The following TNNI3K variants were observed in gnomAD, a reference collection of about 807,000 sequenced individuals.
The protein encoded by TNNI3K is serine/threonine-protein kinase TNNI3K.
In TNNI3K, 140 loss-of-function variants were observed where a neutral mutation model predicts 114.5. The observed-to-expected ratio is 1.22, with a 90% CI of 1.07 to 1.41. TNNI3K has a LOEUF of 1.41. TNNI3K is among the 40% of genes most tolerant of loss of function. The probability of loss-of-function intolerance (pLI) is 0.00; values close to 1 mark genes in which losing one functional copy is unlikely to be tolerated. For synonymous variants in TNNI3K, 347 were observed against 347.5 expected (o/e 1.00, Z 0.02); for missense variants, 1,125 against 1,007.6 (o/e 1.12, Z -1.58).
chr1:74,454,699 G>A (rs1270354139), intron 20 of TNNI3K, among the ~76,000 whole-genome samples: 1 of 152,110 alleles, frequency 6.6e-6, no homozygotes, highest in African/African-American at 2.4e-5. Flanking sequence ...CTATCTCTTA[G>A]ATATACTGAT....
chr1:74,431,069 A>G (rs1441498092), intron 17 of TNNI3K, among the ~76,000 whole-genome samples: 1 of 152,184 alleles, frequency 6.6e-6, no homozygotes, highest in Non-Finnish European at 1.5e-5. Flanking sequence ...GCTAGGTATT[A>G]TGTGTATTAA....
At chr1:74,522,357 T>C (rs184552118) in intron 23 of TNNI3K, among the ~76,000 whole-genome samples, 178 of 152,258 alleles carry the variant, frequency 1.2e-3, no homozygotes, top group African/African-American at 4.0e-3. Flanking sequence ...CTAGCATTCC[T>C]ATGGGAACCT....
chr1:74,248,856 TG>T (rs1213397241), intron 2 of TNNI3K, among the ~76,000 whole-genome samples: 1 of 152,174 alleles, frequency 6.6e-6, no homozygotes, highest in African/African-American at 2.4e-5. Context: ...TCTTATGTCT[TG>T]TATCTCTTGT....
intron 11 of TNNI3K, among the ~76,000 whole-genome samples, chr1:74,361,106 A>G (rs1327067308): frequency 6.6e-6 from 1 of 152,116 alleles, no homozygotes; most frequent in African/African-American, 2.4e-5. Flanking sequence ...TATTTCTGTA[A>G]ATATCATAGG....
intron 6 of TNNI3K, 107 bp from the exon 7 acceptor site, chr1:74,335,903 TA>T: frequency 1.6e-6 from 2 of 1,245,588 alleles, no homozygotes; most frequent in Non-Finnish European, 2.1e-6. Flanking sequence ...CTAGGTGATA[TA>T]ACAATAAATT....
intron 24 of TNNI3K, 57 bp from the exon 25 acceptor site, chr1:74,543,849 A>T: frequency 6.2e-7 from 1 of 1,606,070 alleles, no homozygotes; most frequent in Non-Finnish European, 8.5e-7. Context: ...GTTATAAAAA[A>T]TTGGGGGATG....
intron 23 of TNNI3K, among the ~76,000 whole-genome samples, chr1:74,499,173 CT>C (rs1366202034): frequency 6.6e-6 from 1 of 152,144 alleles, no homozygotes; most frequent in East Asian, 1.9e-4. Context: ...TTTACTTTTC[CT>C]GCAAATGGGA....
At chr1:74,254,732 C>T (rs536939350) in intron 4 of TNNI3K, among the ~76,000 whole-genome samples, 26 of 152,090 alleles carry the variant, frequency 1.7e-4, no homozygotes, top group East Asian at 1.4e-3. Flanking sequence ...TTGGATCTCG[C>T]GCAAGAAAGA....
chr1:74,529,141 T>C (rs1305401688), intron 23 of TNNI3K, among the ~76,000 whole-genome samples: 1 of 152,214 alleles, frequency 6.6e-6, no homozygotes, highest in East Asian at 1.9e-4. Context: ...ATTTATATAG[T>C]CTCAAAATAC....
At chr1:74,343,020 GGTATACTGCATGTACT>G in intron 8 of TNNI3K, 34 bp downstream of exon 8, 1 of 1,613,516 alleles carries the variant, frequency 6.2e-7, no homozygotes, top group Non-Finnish European at 8.5e-7. Flanking sequence ...AGGTTCTCCA[GGTATACTGCATGTACT>G]TGCTTACAAT....
intron 23 of TNNI3K, among the ~76,000 whole-genome samples, chr1:74,532,002 T>G (rs529008270): frequency 6.6e-6 from 1 of 152,298 alleles, no homozygotes; most frequent in South Asian, 2.1e-4. Context: ...AAAAACTAAT[T>G]GGACCAATTT....
chr1:74,439,743 G>GCA, intron 20 of TNNI3K, 121 bp downstream of exon 20: 1 of 1,445,664 alleles, frequency 6.9e-7, no homozygotes, highest in South Asian at 1.4e-5. Context: ...GAGGAGGTAA[G>GCA]CAAACAATCT....
At chr1:74,484,317 C>T (rs1319057129) in intron 21 of TNNI3K, among the ~76,000 whole-genome samples, 1 of 151,772 alleles carries the variant, frequency 6.6e-6, no homozygotes, top group Non-Finnish European at 1.5e-5. Context: ...ATGATTAATT[C>T]TATCATTTGT....
At position 74,437,369 on chromosome 1, in the gene TNNI3K, C is replaced by A. The variant is rs189604082; in HGVS notation, c.1878+843C>A. Among the ~76,000 whole-genome samples the A allele has an allele frequency of 1.4e-4, 21 of 152,098 alleles. No homozygotes were observed. In the East Asian group the frequency reaches 4.1e-3, roughly 29 times the overall value. ...TTCTCATTCCTATGGAGCTAATATTCTACTGGAAGGGGATAAATACTGGAC... is the reference window on the plus strand; with the variant it reads ...TTCTCATTCCTATGGAGCTAATATTATACTGGAAGGGGATAAATACTGGAC... On this transcript the variant is annotated intron_variant, in intron 19 of 24. Transcript: ENST00000326637.
chr1:74,480,846 C>A (rs762408483), intron 21 of TNNI3K: 59 of 717,386 alleles, frequency 8.2e-5, no homozygotes, highest in Non-Finnish European at 1.3e-4. Flanking sequence ...TCCTGAACAT[C>A]CTCGATACCA....
chr1:74,275,266 A>G (rs1340654906), intron 5 of TNNI3K, among the ~76,000 whole-genome samples: 1 of 152,056 alleles, frequency 6.6e-6, no homozygotes, highest in African/African-American at 2.4e-5. Flanking sequence ...GGCAAGGAGA[A>G]GCAAGTCACG....
rs758380648 is a variant in TNNI3K at position 74,271,652 on chromosome 1, G to A, written c.388G>A (p.Val130Ile). ...TCACAGTGGAGCTGATATACAGCAG[G>A]TTGGATACGGTGGCCTCACTGCCCT... ...LLHSGADIQQ[V>I]GYGGLTALHI... Residue 130 changes from valine to isoleucine, a missense_variant, in exon 5 of 25, where the codon GTT (valine) becomes ATT (isoleucine). Physicochemically the swap from Val to Ile is conservative, Grantham distance 29 (BLOSUM62 3). Transcript: ENST00000326637. 8.7e-6 allele frequency: 14 copies of A among 1,609,634 alleles called. No homozygotes were observed. The highest frequency in any genetic ancestry group is 1.3e-5 in the African/African-American group (1 of 74,660).
intron 22 of TNNI3K, 115 bp from the exon 23 acceptor site, chr1:74,491,982 A>C: frequency 7.4e-7 from 1 of 1,351,806 alleles, no homozygotes. Flanking sequence ...AAGCTGAGTG[A>C]ATAGAAATTA....
In TNNI3K at chr1:74,370,498, T is replaced by C. The variant is rs1662538766; in HGVS notation, c.1772+106T>C. On this transcript the variant is annotated intron_variant, in intron 17 of 24. Transcript: ENST00000326637. ...AGACTTATTGCAGATCAGGGTACTCTGTGGTTAAGAGGACAGGCTACCATA... is the reference window on the plus strand; with the variant it reads ...AGACTTATTGCAGATCAGGGTACTCCGTGGTTAAGAGGACAGGCTACCATA... 3 of 952,312 alleles carry C rather than the reference T, an allele frequency of 3.2e-6. No individual in the cohort carries two copies. In the South Asian group the frequency reaches 7.0e-5, roughly 22 times the overall value. 59.0% of individuals were successfully genotyped at this position (952,312 alleles called of 1,614,324 possible).
Sources: gnomAD v4.1 joint callset for allele counts (sites outside exome capture counted in the v4.1 genomes callset) on GRCh38, gnomAD v4.1.1 for gene constraint, MANE v1.5 for transcripts, NCBI Gene and HGNC (gene_info 2026-07-23, HGNC 2026-07-21) for gene names.